The following CDC42BPA variants were observed in gnomAD, a reference collection of about 807,000 sequenced individuals.
CDC42BPA encodes CDC42 binding protein kinase alpha, also known as serine/threonine-protein kinase MRCK alpha.
Under a neutral mutation model 223.5 loss-of-function variants are expected in CDC42BPA, and 80 were observed. That is an observed-to-expected ratio of 0.36 (90% CI 0.30 to 0.43). The LOEUF (loss-of-function observed/expected upper bound fraction) is 0.43. Ranked by LOEUF, CDC42BPA falls within the 20% of genes least tolerant of loss-of-function variation. The pLI is 1.00. For synonymous variants in CDC42BPA, 694 were observed against 718.6 expected (o/e 0.97, Z 0.55); for missense variants, 1,743 against 2,099.9 (o/e 0.83, Z 3.32).
At chr1:227,010,333 T>A (rs1278063704) in intron 34 of CDC42BPA, among the ~76,000 whole-genome samples, 2 of 152,264 alleles carry the variant, frequency 1.3e-5, no homozygotes, top group Non-Finnish European at 2.9e-5. Context: ...AAAATCTAAC[T>A]TATTTTTGGA....
intron 1 of CDC42BPA, among the ~76,000 whole-genome samples, chr1:227,254,938 G>A (rs950038922): frequency 3.3e-5 from 5 of 152,134 alleles, no homozygotes; most frequent in African/African-American, 7.2e-5. Flanking sequence ...GAAGAGAGGC[G>A]AGGAAGTGAA....
At chr1:227,252,854 A>G (rs76350012) in intron 2 of CDC42BPA, among the ~76,000 whole-genome samples, 14,250 of 152,292 alleles carry the variant, frequency 0.094, 844 homozygotes, top group Middle Eastern at 0.17. Context: ...TTTGAAAAGT[A>G]TAACAAGGTA....
At chr1:227,071,275 A>G (rs1294988882) in intron 20 of CDC42BPA, among the ~76,000 whole-genome samples, 1 of 151,956 alleles carries the variant, frequency 6.6e-6, no homozygotes, top group Non-Finnish European at 1.5e-5. Flanking sequence ...TGCATGGCTG[A>G]GAAATGATAG....
intron 2 of CDC42BPA, among the ~76,000 whole-genome samples, chr1:227,244,545 G>C (rs757171800): frequency 1.3e-5 from 2 of 151,870 alleles, no homozygotes; most frequent in Non-Finnish European, 2.9e-5. Context: ...ACTATATCTT[G>C]ATCTGCTTGA....
intron 3 of CDC42BPA, among the ~76,000 whole-genome samples, chr1:227,200,850 A>G (rs1183406830): frequency 6.6e-6 from 1 of 152,128 alleles, no homozygotes; most frequent in African/African-American, 2.4e-5. Flanking sequence ...CCTCAACTAT[A>G]TGTGACATTA....
chr1:227,213,790 TTAAAAC>T (rs1158151671), intron 2 of CDC42BPA, among the ~76,000 whole-genome samples: 2 of 152,016 alleles, frequency 1.3e-5, no homozygotes, highest in Non-Finnish European at 2.9e-5. Flanking sequence ...TAGAGAGCAA[TTAAAAC>T]TAACGATTTT....
chr1:227,168,497 G>GTTTTTTTTTTTTGTTTTTGTTTTT (rs1553374261), intron 5 of CDC42BPA, among the ~76,000 whole-genome samples: 2 of 80,196 alleles, frequency 2.5e-5, no homozygotes, highest in African/African-American at 9.9e-5. Flanking sequence ...CTTCCCTGGT[G>GTTTTTTTTTTTTGTTTTTGTTTTT]TTTTTTTTTT....
chr1:227,173,601 AGGCTTAGGTGGGCTTCCCTGGCT>A (rs1303828687), intron 5 of CDC42BPA, among the ~76,000 whole-genome samples: 3 of 152,088 alleles, frequency 2.0e-5, no homozygotes, highest in African/African-American at 7.2e-5. Context: ...TAAAAACTAA[AGGCTTAGGTGGGCTTCCCTGGCT>A]GGCAATACTC....
chr1:226,995,994 C>G (rs1355945572), intron 35 of CDC42BPA, among the ~76,000 whole-genome samples: 2 of 152,192 alleles, frequency 1.3e-5, no homozygotes, highest in African/African-American at 4.8e-5. Flanking sequence ...TTTAAAGCAG[C>G]ACATTTATCT....
At chr1:227,255,258 A>G (rs186861521) in intron 1 of CDC42BPA, among the ~76,000 whole-genome samples, 2 of 152,290 alleles carry the variant, frequency 1.3e-5, no homozygotes, top group African/African-American at 4.8e-5. Flanking sequence ...TCTTCCTTCC[A>G]TGGAGCCAGA....
chr1:227,161,325 T>C (rs1663848528), intron 5 of CDC42BPA, among the ~76,000 whole-genome samples: 1 of 152,194 alleles, frequency 6.6e-6, no homozygotes, highest in African/African-American at 2.4e-5. Flanking sequence ...CTCAGGGACT[T>C]AACAATATTA....
At chr1:227,143,100 C>A in intron 8 of CDC42BPA, 76 bp from the exon 9 acceptor site, 4 of 879,946 alleles carry the variant, frequency 4.5e-6, no homozygotes, top group Non-Finnish European at 4.8e-6. Flanking sequence ...TATAAAATGC[C>A]AAAAAGAAAT....
At chr1:227,167,887 A>G (rs1303156882) in intron 5 of CDC42BPA, among the ~76,000 whole-genome samples, 3 of 151,704 alleles carry the variant, frequency 2.0e-5, no homozygotes. Flanking sequence ...AACTTCCTTT[A>G]GCATGTCTTA....
At chr1:227,014,967 T>C (rs68087483) in intron 34 of CDC42BPA, among the ~76,000 whole-genome samples, 59,098 of 151,960 alleles carry the variant, frequency 0.39, 11,967 homozygotes, top group Non-Finnish European at 0.46. Flanking sequence ...AATGTTGTAC[T>C]TTTTTTTCTT....
At chr1:227,005,759 G>A (rs1353022145) in intron 34 of CDC42BPA, among the ~76,000 whole-genome samples, 1 of 152,148 alleles carries the variant, frequency 6.6e-6, no homozygotes, top group African/African-American at 2.4e-5. Context: ...TTTATAAACA[G>A]GTTTATATAC....
Position 226,993,240 on chromosome 1 carries a change from C to T in CDC42BPA, c.*1028G>A, listed in dbSNP as rs570505729. On this transcript the variant is annotated 3_prime_UTR_variant, in exon 37 of 37. Transcript: ENST00000366766. ...TGCACCTTCAGAAGCTACAACACTCCTTGTAACCTTTCAGATGGAAGGGAT... is the reference window on the plus strand; with the variant it reads ...TGCACCTTCAGAAGCTACAACACTCTTTGTAACCTTTCAGATGGAAGGGAT... 6.6e-6 allele frequency: 1 copy of T among 152,316 alleles called. No homozygotes were observed. The highest frequency in any genetic ancestry group is 2.4e-5 in the African/African-American group (1 of 41,546). 9.4% of individuals were successfully genotyped at this position (152,316 alleles called of 1,614,324 possible). A position where few individuals can be genotyped will look rare whatever the true frequency, so the allele number is the denominator to read the frequency against.
rs150196793 is a variant in CDC42BPA, at chr1:227,154,424, C to T, written c.693+6119G>A. 3.3e-5 allele frequency among the ~76,000 whole-genome samples: 5 copies of T among 151,904 alleles called. No individual in the cohort carries two copies. The East Asian group carries it at 9.7e-4, about 29-fold the overall frequency. The stretch of plus-strand genomic sequence containing the variant: ...CATATAAAGATTGTGAAGAAACAAA[C>T]CCAAAGTTTCTCATAATTTACGGAT... On this transcript the variant is annotated intron_variant, in intron 6 of 36. Coordinates refer to ENST00000366766, the MANE Select transcript of CDC42BPA (RefSeq NM_001394014.1).
intron 5 of CDC42BPA, among the ~76,000 whole-genome samples, chr1:227,163,182 A>G (rs956392211): frequency 3.3e-5 from 5 of 151,982 alleles, no homozygotes; most frequent in Admixed American, 2.0e-4. Flanking sequence ...TTCCAAACAT[A>G]TGTGTGTATG....
At chr1:227,126,885 A>G (rs1320350101) in intron 11 of CDC42BPA, among the ~76,000 whole-genome samples, 3 of 152,202 alleles carry the variant, frequency 2.0e-5, no homozygotes, top group Non-Finnish European at 4.4e-5. Context: ...TCTTCTCATC[A>G]TTCTTCTTTT....
Sources: gnomAD v4.1 joint callset for allele counts (sites outside exome capture counted in the v4.1 genomes callset) on GRCh38, gnomAD v4.1.1 for gene constraint, MANE v1.5 for transcripts, NCBI Gene and HGNC (gene_info 2026-07-23, HGNC 2026-07-21) for gene names.